Variants in CXADR observed in about 807,000 individuals in gnomAD.
CXADR encodes CXADR cell adhesion molecule.
CXADR carries 20 observed loss-of-function variants against 40.3 expected under a neutral mutation model. The ratio of observed to expected loss-of-function variants is 0.50; its 90% CI spans 0.35 to 0.72. The LOEUF is 0.72. Ranked by LOEUF, CXADR falls within the 30% of genes least tolerant of loss-of-function variation. The pLI, the probability that CXADR is intolerant of heterozygous loss-of-function variation, is 0.01. For synonymous variants in CXADR, 150 were observed against 161.3 expected, an observed-to-expected ratio of 0.93 and a Z score of 0.53; for missense variants, 332 against 449.1, an observed-to-expected ratio of 0.74 and a Z score of 2.36.
At chr21:17,521,471 C>T (rs2060529675) in intron 1 of CXADR, among the ~76,000 whole-genome samples, 2 of 152,050 alleles carry the variant, frequency 1.3e-5, no homozygotes, top group African/African-American at 2.4e-5. Context: ...TACAGGTGCC[C>T]GCCACCACAC....
At chr21:17,535,152 G>T (rs922128222) in intron 1 of CXADR, among the ~76,000 whole-genome samples, 2 of 152,226 alleles carry the variant, frequency 1.3e-5, no homozygotes, top group Admixed American at 6.5e-5. Flanking sequence ...TTTTGACACA[G>T]CGTCTTGCTC....
In CXADR at chr21:17,577,612, C is replaced by CTTTTTTTTTTTTTTTTTTTT. The variant is rs532541050; in HGVS notation, c.1017+12010_1017+12029dup. Among the ~76,000 whole-genome samples, 27 of 36,576 alleles carry CTTTTTTTTTTTTTTTTTTTT rather than the reference C, an allele frequency of 7.4e-4. 3 individuals carry two copies. Among genetic ancestry groups the CTTTTTTTTTTTTTTTTTTTT allele is most frequent in the South Asian group, 1.9e-3 (1 of 530 alleles). The allele number at this position is 36,576 out of a possible 152,430, so 24.0% of individuals were successfully genotyped here. A position where few individuals can be genotyped will look rare whatever the true frequency, so the allele number is the denominator to read the frequency against. The stretch of plus-strand genomic sequence containing the variant: ...CTCACACGTCAGACCATTCTGCAAG[C>CTTTTTTTTTTTTTTTTTTTT]TTTTTTTTTTTTTTTTTTTTTTTTT... On this transcript the variant is annotated intron_variant, in intron 7 of 7. Coordinates refer to the CXADR transcript ENST00000400169.
In CXADR at chr21:17,560,699, T is replaced by C. The variant is rs1038229175; in HGVS notation, c.572-3T>C. 79 of 1,611,232 alleles carry C rather than the reference T, an allele frequency of 4.9e-5. No individual in the cohort carries two copies. The highest frequency in any genetic ancestry group is 5.4e-5 in the Non-Finnish European group (64 of 1,178,898). Reference sequence around the variant, plus strand: ...GTTTGTTTTCTTTTTCCTCCTTCCATAGAAATGACTTCATCTGTTATATCT... The same window carrying C: ...GTTTGTTTTCTTTTTCCTCCTTCCACAGAAATGACTTCATCTGTTATATCT... On this transcript the variant is annotated splice_polypyrimidine_tract_variant and splice_region_variant and intron_variant, in intron 4 of 6. Transcript: ENST00000284878.
At chr21:17,571,539 CTTA>C (rs1405607978), downstream of CXADR, among the ~76,000 whole-genome samples, 9 of 152,042 alleles carry the variant, frequency 5.9e-5, no homozygotes, top group African/African-American at 2.2e-4. Flanking sequence ...TATGAAGTAA[CTTA>C]TTATTCAGTA....
At chr21:17,604,328 C>G in the CXADR span, 1 of 217,996 alleles carries the variant, frequency 4.6e-6, no homozygotes, top group Non-Finnish European at 9.8e-6. Flanking sequence ...GCCTGTAATT[C>G]CAGCTACTCA....
intron 4 of CXADR, 97 bp downstream of exon 4, chr21:17,559,228 A>C: frequency 8.0e-7 from 1 of 1,248,030 alleles, no homozygotes; most frequent in South Asian, 1.4e-5. Context: ...TTGCTCTGTC[A>C]CCCAGGCTCA....
downstream of CXADR, among the ~76,000 whole-genome samples, chr21:17,594,602 A>G (rs538575992): frequency 6.6e-6 from 1 of 152,140 alleles, no homozygotes; most frequent in South Asian, 2.1e-4. Context: ...AGACCAAAAC[A>G]TGGAACGAAT....
intron 7 of CXADR, among the ~76,000 whole-genome samples, chr21:17,591,052 CCTTT>C (rs1337189721): frequency 6.6e-6 from 1 of 151,812 alleles, no homozygotes; most frequent in South Asian, 2.1e-4. Flanking sequence ...CGCACTGGTT[CCTTT>C]TTTTAAAAAA....
chr21:17,583,605 A>G (rs2061375657), intron 7 of CXADR, among the ~76,000 whole-genome samples: 1 of 114 alleles, frequency 8.8e-3, no homozygotes. Flanking sequence ...ATGCTGACAC[A>G]CACTCGAAAT....
intron 3 of CXADR, among the ~76,000 whole-genome samples, chr21:17,557,335 C>T (rs553373169): frequency 6.6e-6 from 1 of 152,278 alleles, no homozygotes; most frequent in Admixed American, 6.5e-5. Flanking sequence ...TACTAAATGG[C>T]CCCACCTCCT....
chr21:17,585,479 T>C (rs1319648958), intron 7 of CXADR, among the ~76,000 whole-genome samples: 2 of 151,982 alleles, frequency 1.3e-5, no homozygotes, highest in Non-Finnish European at 2.9e-5. Flanking sequence ...TTAATAGTGG[T>C]TTTCGATTCC....
chr21:17,539,702 G>T (rs1600983110), intron 1 of CXADR, among the ~76,000 whole-genome samples: 1 of 152,128 alleles, frequency 6.6e-6, no homozygotes, highest in Admixed American at 6.5e-5. Context: ...GTATATTAAT[G>T]TACATAATTT....
chr21:17,591,899 C>T (rs993010199), intron 7 of CXADR, among the ~76,000 whole-genome samples: 2 of 151,834 alleles, frequency 1.3e-5, no homozygotes, highest in African/African-American at 2.4e-5. Flanking sequence ...AACTTAAGAC[C>T]CAGTTGCTGA....
chr21:17,635,332 A>G, the CXADR span, among the ~76,000 whole-genome samples: 5 of 152,248 alleles, frequency 3.3e-5, no homozygotes, highest in Non-Finnish European at 5.9e-5. Context: ...AAGCATAATT[A>G]TAAACATCAA....
rs578110137 is a variant in CXADR at position 17,568,423 on chromosome 21, C to T, written c.*2731C>T. On this transcript the variant is annotated 3_prime_UTR_variant, in exon 7 of 7. Coordinates refer to ENST00000284878, the MANE Select transcript of CXADR (RefSeq NM_001338.5). ...GATTACAGGCGTGAACCACTGCACC[C>T]GGCCCAGTACTGCATCTTAACAGCA... The T allele has an allele frequency of 4.0e-5, 39 of 985,134 alleles. No individual in the cohort carries two copies. Among genetic ancestry groups the T allele is most frequent in the South Asian group, 4.7e-5 (1 of 21,280 alleles). 61.0% of individuals were successfully genotyped at this position (985,134 alleles called of 1,614,324 possible). A position where few individuals can be genotyped will look rare whatever the true frequency, so the allele number is the denominator to read the frequency against.
chr21:17,630,662 T>TTC, the CXADR span, among the ~76,000 whole-genome samples: 3 of 150,636 alleles, frequency 2.0e-5, no homozygotes, highest in Non-Finnish European at 4.4e-5. Context: ...TTTTTTTTTT[T>TTC]TTTTTTGGTT....
At position 17,518,574 on chromosome 21, in the gene CXADR, A is replaced by C; in HGVS notation, c.43+5402A>C. On this transcript the variant is annotated intron_variant, in intron 1 of 6. Transcript: ENST00000284878. ...CAAAATTTTCTACAAGATCGGGAAC[A>C]TCATCATCCTCCTCATCAGTGTCTT... 3 of 1,244,578 alleles carry C rather than the reference A, an allele frequency of 2.4e-6. No individual in the cohort carries two copies. In the Admixed American group the frequency reaches 5.0e-5, roughly 21 times the overall value. 77.1% of individuals were successfully genotyped at this position (1,244,578 alleles called of 1,614,324 possible).
the CXADR span, among the ~76,000 whole-genome samples, chr21:17,609,825 T>C: frequency 1.4e-4 from 21 of 152,206 alleles, no homozygotes; most frequent in East Asian, 3.7e-3. Context: ...TATTCAGCAA[T>C]GAAAAGGAAT....
rs442217 is a variant in CXADR, at chr21:17,569,657, G to A, written c.*3965G>A. On this transcript the variant is annotated 3_prime_UTR_variant, in exon 7 of 7. Transcript: ENST00000284878. Reference sequence around the variant, plus strand: ...AAGGCTGATCATTTATCTTATAGCAGATAACCCCAGCCTCTTATTCATTAT... The same window carrying A: ...AAGGCTGATCATTTATCTTATAGCAAATAACCCCAGCCTCTTATTCATTAT... 3.4e-5 allele frequency: 33 copies of A among 974,530 alleles called. No individual in the cohort carries two copies. Among genetic ancestry groups the A allele is most frequent in the Non-Finnish European group, 3.9e-5 (32 of 820,534 alleles). The allele number at this position is 974,530 out of a possible 1,614,324, so 60.4% of individuals were successfully genotyped here.
Sources: gnomAD v4.1 joint callset for allele counts (sites outside exome capture counted in the v4.1 genomes callset) on GRCh38, gnomAD v4.1.1 for gene constraint, MANE v1.5 for transcripts, NCBI Gene and HGNC (gene_info 2026-07-23, HGNC 2026-07-21) for gene names.